Variants in PDS5A observed in about 807,000 individuals in gnomAD.
PDS5A encodes PDS5 cohesin associated factor A.
PDS5A carries 42 observed loss-of-function variants against 167.1 expected under a neutral mutation model. That is an observed-to-expected ratio of 0.25 (90% CI 0.20 to 0.33). The LOEUF is 0.33. Among genes scored for constraint, PDS5A ranks in the 10% least tolerant of loss-of-function variants. PDS5A has a pLI of 1.00. For synonymous variants in PDS5A, 553 were observed against 554.6 expected (o/e 1.00, Z 0.04); for missense variants, 1,033 against 1,605.9 (o/e 0.64, Z 6.10).
chr4:39,882,004 C>A (rs1720975809), intron 17 of PDS5A, among the ~76,000 whole-genome samples: 1 of 152,180 alleles, frequency 6.6e-6, no homozygotes. Context: ...TAAGATGTCA[C>A]TTTGCTCTTG....
chr4:39,976,585 G>T lies in PDS5A; in HGVS notation c.-8C>A. 6.2e-7 allele frequency: 1 copy of T among 1,607,106 alleles called. No individual in the cohort carries two copies. The highest frequency in any genetic ancestry group is 8.5e-7 in the Non-Finnish European group (1 of 1,175,046). On this transcript the variant is annotated 5_prime_UTR_variant, in exon 2 of 33. Transcript: ENST00000303538. Reference sequence around the variant, plus strand: ...CTGCGCGGTGAAGTCCATCCTGGGGGACAACTTTTGGTTCACAGTCCTCTA... The same window carrying T: ...CTGCGCGGTGAAGTCCATCCTGGGGTACAACTTTTGGTTCACAGTCCTCTA...
intron 18 of PDS5A, among the ~76,000 whole-genome samples, chr4:39,877,543 A>G (rs1720562520): frequency 6.6e-6 from 1 of 152,238 alleles, no homozygotes; most frequent in African/African-American, 2.4e-5. Context: ...TAAAACCTCC[A>G]TACGTAATGA....
rs1728182283 is a variant in PDS5A at position 39,949,876 on chromosome 4, A to C, written c.139-21712T>G. ...AAACCTGACTGTGGCAATCACTGCAAGCATTTGTGATGATACTAAAAACAA... is the reference window on the plus strand; with the variant it reads ...AAACCTGACTGTGGCAATCACTGCACGCATTTGTGATGATACTAAAAACAA... On this transcript the variant is annotated intron_variant, in intron 2 of 32. Transcript: ENST00000303538. Among the ~76,000 whole-genome samples, 3 of 149,738 alleles carry C rather than the reference A, an allele frequency of 2.0e-5. No homozygotes were observed. The Admixed American group carries it at 2.0e-4, about 10-fold the overall frequency.
chr4:39,928,587 G>A (rs1488719533), intron 2 of PDS5A, among the ~76,000 whole-genome samples: 3 of 151,988 alleles, frequency 2.0e-5, no homozygotes, highest in African/African-American at 2.4e-5. Flanking sequence ...TTCATTTCAT[G>A]CTTTAATGAG....
rs554899958 is a variant in PDS5A at position 39,907,352 on chromosome 4, A to AC, written c.1233+1042dup. ...AGAATACCTCTTTCTATATTTTAAA[A>AC]CCCAAACCAATTACTATTCTACCCT... On this transcript the variant is annotated intron_variant, in intron 11 of 32. Coordinates refer to ENST00000303538, the MANE Select transcript of PDS5A (RefSeq NM_001100399.2). Among the ~76,000 whole-genome samples, 44 of 152,282 alleles carry AC rather than the reference A, an allele frequency of 2.9e-4. No individual in the cohort carries two copies. The South Asian group carries it at 8.1e-3, about 28-fold the overall frequency.
intron 2 of PDS5A, among the ~76,000 whole-genome samples, chr4:39,942,092 C>G (rs546653329): frequency 2.0e-5 from 3 of 152,132 alleles, no homozygotes; most frequent in Non-Finnish European, 4.4e-5. Context: ...GTTATCCCAA[C>G]TCAAAGAGTG....
In PDS5A at chr4:39,874,369, G is replaced by T. The variant is rs1720293511; in HGVS notation, c.2197C>A (p.Pro733Thr). 8.7e-6 allele frequency: 14 copies of T among 1,612,442 alleles called. No individual in the cohort carries two copies. Among genetic ancestry groups the T allele is most frequent in the Middle Eastern group, 1.6e-4 (1 of 6,082 alleles). ...ILHQKAKRGT[P>T]HQAKQAVHCI... ...TGCACAGCCTGTTTTGCTTGGTGTG[G>T]AGTACCCCTCTTTGCTTTTTGATGT... The change falls in exon 20 of 33, where the codon CCA (proline) becomes ACA (threonine). Residue 733 changes from proline (P) to threonine (T), a missense_variant. Pro to Thr is a conservative substitution (Grantham distance 38, BLOSUM62 -1). Coordinates refer to ENST00000303538, the MANE Select transcript of PDS5A (RefSeq NM_001100399.2).
At chr4:39,852,788 T>TC (rs896242846) in intron 26 of PDS5A, among the ~76,000 whole-genome samples, 5 of 152,142 alleles carry the variant, frequency 3.3e-5, no homozygotes, top group Non-Finnish European at 2.9e-5. Flanking sequence ...CTTGCGTTGA[T>TC]TTAGTTTCTG....
At chr4:39,892,218 C>T (rs550578379) in intron 16 of PDS5A, among the ~76,000 whole-genome samples, 19 of 152,270 alleles carry the variant, frequency 1.2e-4, no homozygotes, top group Non-Finnish European at 2.5e-4. Context: ...GGTGACGGAT[C>T]GTTTGAGGTC....
At chr4:39,919,730 G>A (rs1724741875) in intron 7 of PDS5A, among the ~76,000 whole-genome samples, 1 of 152,148 alleles carries the variant, frequency 6.6e-6, no homozygotes, top group South Asian at 2.1e-4. Context: ...CTATAAGGTA[G>A]TGAGATTGCA....
intron 2 of PDS5A, chr4:39,973,968 T>C: frequency 6.0e-6 from 3 of 498,530 alleles, no homozygotes; most frequent in Non-Finnish European, 1.1e-5. Context: ...ACTAAAAAAA[T>C]ACAAAAAATT....
In PDS5A at chr4:39,862,856, C is replaced by CT. The variant is rs1560435757; in HGVS notation, c.2971+12dup. 1 of 1,545,206 alleles carries CT rather than the reference C, an allele frequency of 6.5e-7. No individual in the cohort carries two copies. Among genetic ancestry groups the CT allele is most frequent in the East Asian group, 2.2e-5 (1 of 44,540 alleles). On this transcript the variant is annotated intron_variant, in intron 25 of 32. Coordinates refer to ENST00000303538, the MANE Select transcript of PDS5A (RefSeq NM_001100399.2). The stretch of plus-strand genomic sequence containing the variant: ...AAAATATATTTGCACACGGAGAACT[C>CT]TGAGTTACTTACCAGTAGCCATAGG...
intron 2 of PDS5A, among the ~76,000 whole-genome samples, chr4:39,956,895 C>T (rs1260252860): frequency 1.3e-5 from 2 of 152,178 alleles, no homozygotes; most frequent in Non-Finnish European, 2.9e-5. Flanking sequence ...TAGTCTCAAA[C>T]TCCTGGCCTC....
At chr4:39,840,777 C>G (rs1184778501) in intron 31 of PDS5A, among the ~76,000 whole-genome samples, 1 of 151,722 alleles carries the variant, frequency 6.6e-6, no homozygotes, top group Non-Finnish European at 1.5e-5. Context: ...GGTGATCCAC[C>G]AAGTCTCACT....
chr4:39,851,306 T>G (rs79977880), intron 26 of PDS5A, among the ~76,000 whole-genome samples: 2 of 151,784 alleles, frequency 1.3e-5, no homozygotes, highest in East Asian at 1.9e-4. Flanking sequence ...TTTTTTTTTT[T>G]GGTCTGTCTT....
chr4:39,878,888 C>T (rs1343970677), intron 18 of PDS5A, among the ~76,000 whole-genome samples: 2 of 152,014 alleles, frequency 1.3e-5, no homozygotes, highest in African/African-American at 2.4e-5. Flanking sequence ...TGACTACAGG[C>T]GTGTGCCACC....
chr4:39,937,109 C>T (rs1364577308), intron 2 of PDS5A, among the ~76,000 whole-genome samples: 3 of 152,136 alleles, frequency 2.0e-5, no homozygotes, highest in African/African-American at 2.4e-5. Flanking sequence ...GGCTTTATGA[C>T]GCAGGCATGA....
At chr4:39,864,868 T>G (rs1213206507) in intron 23 of PDS5A, among the ~76,000 whole-genome samples, 1 of 152,250 alleles carries the variant, frequency 6.6e-6, no homozygotes, top group Non-Finnish European at 1.5e-5. Context: ...CCAGTTAGGA[T>G]CTGTCCAATG....
chr4:39,953,230 A>G (rs1728581085), intron 2 of PDS5A, among the ~76,000 whole-genome samples: 1 of 152,300 alleles, frequency 6.6e-6, no homozygotes, highest in East Asian at 1.9e-4. Context: ...TGAGTTTGTC[A>G]CTTGACCATT....
Sources: gnomAD v4.1 joint callset for allele counts (sites outside exome capture counted in the v4.1 genomes callset) on GRCh38, gnomAD v4.1.1 for gene constraint, MANE v1.5 for transcripts, NCBI Gene and HGNC (gene_info 2026-07-23, HGNC 2026-07-21) for gene names.